Variants in TNFSF4 observed in about 807,000 individuals in gnomAD.
TNFSF4 encodes the protein TNF superfamily member 4.
In TNFSF4, 4 loss-of-function variants were observed where a neutral mutation model predicts 7.3. That is an observed-to-expected ratio of 0.55 (90% CI 0.27 to 1.25). TNFSF4 has a LOEUF of 1.25. TNFSF4 is among the 50% of genes most tolerant of loss of function. The pLI is 0.12. For missense variants in TNFSF4, 181 were observed against 208.8 expected (o/e 0.87, Z 0.82); for synonymous variants, 76 against 83.7 (o/e 0.91, Z 0.50).
At chr1:173,205,578 A>C (rs1172018281) in intron 1 of TNFSF4, 32 of 1,234,054 alleles carry the variant, frequency 2.6e-5, no homozygotes, top group Non-Finnish European at 2.5e-5. Context: ...TGGTGTAAGG[A>C]AATATGTAAC....
chr1:173,174,517 A>C, the TNFSF4 span: 2 of 152,258 alleles, frequency 1.3e-5, no homozygotes, highest in Admixed American at 6.5e-5. Flanking sequence ...ACAGTTCTGC[A>C]GGGCTGGGGA....
intron 1 of TNFSF4, among the ~76,000 whole-genome samples, chr1:173,203,732 C>A (rs928431763): frequency 6.6e-6 from 1 of 151,988 alleles, no homozygotes; most frequent in African/African-American, 2.4e-5. Context: ...GTAGGAATTG[C>A]TGAAAAAAAT....
At chr1:173,267,151 A>G in the TNFSF4 span, among the ~76,000 whole-genome samples, 1 of 152,156 alleles carries the variant, frequency 6.6e-6, no homozygotes, top group Admixed American at 6.5e-5. Context: ...TTAATCAACT[A>G]TTCTCCTTTA....
At chr1:173,427,362 G>C in the TNFSF4 span, among the ~76,000 whole-genome samples, 1 of 152,152 alleles carries the variant, frequency 6.6e-6, no homozygotes, top group Non-Finnish European at 1.5e-5. Flanking sequence ...CTGGTATCTA[G>C]TGGGTAGAGA....
intron 2 of TNFSF4, among the ~76,000 whole-genome samples, chr1:173,188,257 G>T (rs532062434): frequency 2.0e-5 from 3 of 152,320 alleles, no homozygotes; most frequent in Admixed American, 2.0e-4. Flanking sequence ...TACCCAGAAG[G>T]TTCCTTGGAG....
the TNFSF4 span, among the ~76,000 whole-genome samples, chr1:173,364,365 A>G: frequency 8.9e-4 from 131 of 146,372 alleles, 1 homozygote; most frequent in Admixed American, 6.9e-3. Flanking sequence ...GTGTACATAT[A>G]TATTGGGGTG....
chr1:173,238,815 T>A, the TNFSF4 span, among the ~76,000 whole-genome samples: 1 of 152,012 alleles, frequency 6.6e-6, no homozygotes, highest in East Asian at 1.9e-4. Flanking sequence ...GAGTGTAGAT[T>A]AGTTCAGTCA....
chr1:173,319,733 C>G, the TNFSF4 span, among the ~76,000 whole-genome samples: 2 of 152,148 alleles, frequency 1.3e-5, no homozygotes, highest in Non-Finnish European at 2.9e-5. Context: ...AAGTGGACCT[C>G]CAACAAACTG....
At chr1:173,434,384 A>C in the TNFSF4 span, among the ~76,000 whole-genome samples, 1 of 152,228 alleles carries the variant, frequency 6.6e-6, no homozygotes, top group Admixed American at 6.5e-5. Flanking sequence ...ACGAAAGATC[A>C]CTTAGGAGAC....
the TNFSF4 span, among the ~76,000 whole-genome samples, chr1:173,323,926 G>A: frequency 6.6e-6 from 1 of 152,206 alleles, no homozygotes; most frequent in South Asian, 2.1e-4. Flanking sequence ...CAACCAAGTT[G>A]TAAAACACTC....
chr1:173,402,880 G>A, the TNFSF4 span, among the ~76,000 whole-genome samples: 2 of 151,816 alleles, frequency 1.3e-5, no homozygotes, highest in African/African-American at 4.8e-5. Flanking sequence ...TTGAGACAGG[G>A]TCTCACTCTG....
the TNFSF4 span, chr1:173,174,472 A>G: frequency 6.6e-6 from 1 of 152,172 alleles, no homozygotes; most frequent in African/African-American, 2.4e-5. Flanking sequence ...GCCCGAGACT[A>G]GGTAATTTAT....
At chr1:173,409,572 G>A in the TNFSF4 span, among the ~76,000 whole-genome samples, 4 of 152,070 alleles carry the variant, frequency 2.6e-5, no homozygotes, top group African/African-American at 9.7e-5. Context: ...TTCAAAATAA[G>A]AAGAAAAAAT....
chr1:173,353,476 T>G, the TNFSF4 span, among the ~76,000 whole-genome samples: 1 of 152,226 alleles, frequency 6.6e-6, no homozygotes, highest in Non-Finnish European at 1.5e-5. Flanking sequence ...TGTGCATGTG[T>G]GTATGGCTAA....
At chr1:173,402,606 C>CAGATGGAACAAATTAAG in the TNFSF4 span, among the ~76,000 whole-genome samples, 1 of 152,176 alleles carries the variant, frequency 6.6e-6, no homozygotes. Flanking sequence ...CTCACCTTTC[C>CAGATGGAACAAATTAAG]CCAGAGCACT....
chr1:173,347,926 A>G, the TNFSF4 span, among the ~76,000 whole-genome samples: 1 of 152,188 alleles, frequency 6.6e-6, no homozygotes, highest in African/African-American at 2.4e-5. Flanking sequence ...ATGCCTCCAG[A>G]TATTGCCAAA....
At chr1:173,238,341 G>A in the TNFSF4 span, among the ~76,000 whole-genome samples, 1 of 152,114 alleles carries the variant, frequency 6.6e-6, no homozygotes, top group African/African-American at 2.4e-5. Flanking sequence ...ATAGAAAATG[G>A]CAAAGATTTC....
chr1:173,400,510 G>A, the TNFSF4 span, among the ~76,000 whole-genome samples: 6 of 152,142 alleles, frequency 3.9e-5, no homozygotes, highest in Non-Finnish European at 8.8e-5. Flanking sequence ...AAGGAGAAAT[G>A]CTTCAACCAG....
chr1:173,305,434 G>A, the TNFSF4 span, among the ~76,000 whole-genome samples: 1 of 151,838 alleles, frequency 6.6e-6, no homozygotes, highest in Admixed American at 6.6e-5. Flanking sequence ...TAAGCCCCCA[G>A]ATAAACTTTT....
Sources: gnomAD v4.1 joint callset for allele counts (sites outside exome capture counted in the v4.1 genomes callset) on GRCh38, gnomAD v4.1.1 for gene constraint, MANE v1.5 for transcripts, NCBI Gene and HGNC (gene_info 2026-07-23, HGNC 2026-07-21) for gene names.